Variants in DIAPH2 observed in about 807,000 individuals in gnomAD.
DIAPH2 encodes the protein protein diaphanous homolog 2.
A neutral mutation model predicts 92.7 loss-of-function variants in DIAPH2; 35 were observed. That is an observed-to-expected ratio of 0.38 (90% CI 0.29 to 0.50). DIAPH2 has a LOEUF of 0.50. Ranked by LOEUF, DIAPH2 falls within the 20% of genes least tolerant of loss-of-function variation. The pLI, the probability that DIAPH2 is intolerant of heterozygous loss-of-function variation, is 0.94. For missense variants in DIAPH2, 701 were observed against 819.5 expected, an observed-to-expected ratio of 0.86 and a Z score of 1.77; for synonymous variants, 301 against 280.4, an observed-to-expected ratio of 1.07 and a Z score of -0.73.
At chrX:96,797,501 G>T (rs925738523) in intron 4 of DIAPH2, among the ~76,000 whole-genome samples, 1 of 110,971 alleles carries the variant, frequency 9.0e-6, no homozygotes, top group Non-Finnish European at 1.9e-5. Flanking sequence ...AATAAAAAGA[G>T]GTTTAATTGG....
At chrX:96,858,177 T>A (rs1041556357) in intron 4 of DIAPH2, among the ~76,000 whole-genome samples, 54 of 112,156 alleles carry the variant, frequency 4.8e-4, no homozygotes, top group African/African-American at 1.4e-3. Flanking sequence ...TACACTTTTT[T>A]AATTTTGTAT....
At chrX:97,093,884 G>A (rs772392225) in intron 19 of DIAPH2, among the ~76,000 whole-genome samples, 1 of 111,914 alleles carries the variant, frequency 8.9e-6, no homozygotes, top group East Asian at 2.8e-4. Flanking sequence ...TTTAAAATAG[G>A]AAATGTTTAG....
At position 97,426,150 on chromosome X, in the gene DIAPH2, T is replaced by C. The variant is rs1210444276; in HGVS notation, c.3146-3500T>C. 4.5e-5 allele frequency among the ~76,000 whole-genome samples: 5 copies of C among 111,473 alleles called. No homozygotes were observed. The Admixed American group carries it at 4.8e-4, about 11-fold the overall frequency. On this transcript the variant is annotated intron_variant, in intron 25 of 26. Coordinates refer to ENST00000324765, the MANE Select transcript of DIAPH2 (RefSeq NM_006729.5). Reference sequence around the variant, plus strand: ...TAAACTCCTCTCCTTAATCTCACCCTCCTTCTCTTGCCTGCTAAGTCCTAT... The same window carrying C: ...TAAACTCCTCTCCTTAATCTCACCCCCCTTCTCTTGCCTGCTAAGTCCTAT...
chrX:96,731,294 G>A (rs1266477840), intron 1 of DIAPH2, among the ~76,000 whole-genome samples: 1 of 111,326 alleles, frequency 9.0e-6, no homozygotes, highest in Non-Finnish European at 1.9e-5. Flanking sequence ...GTTGTTTTTT[G>A]TGTCCTATTG....
At chrX:97,455,959 C>T (rs1422821597) in intron 26 of DIAPH2, among the ~76,000 whole-genome samples, 2 of 111,999 alleles carry the variant, frequency 1.8e-5, no homozygotes, top group East Asian at 5.6e-4. Context: ...CCCTCAGTGT[C>T]ACTTCCCGAG....
At chrX:96,865,313 C>T (rs765228184) in intron 4 of DIAPH2, among the ~76,000 whole-genome samples, 14 of 111,535 alleles carry the variant, frequency 1.3e-4, no homozygotes, top group African/African-American at 3.9e-4. Flanking sequence ...CTTAGTGTTC[C>T]GATACTGGAA....
chrX:96,747,858 A>G (rs1298710198), intron 3 of DIAPH2, among the ~76,000 whole-genome samples: 1 of 112,327 alleles, frequency 8.9e-6, no homozygotes, highest in African/African-American at 3.2e-5. Flanking sequence ...TAAAATCTAT[A>G]ATAAGCCATG....
At chrX:97,119,336 T>G (rs1201410642) in intron 21 of DIAPH2, among the ~76,000 whole-genome samples, 2 of 111,404 alleles carry the variant, frequency 1.8e-5, no homozygotes, top group African/African-American at 3.3e-5. Flanking sequence ...TTGTCTCTCT[T>G]CTGGGGTCTA....
intron 13 of DIAPH2, among the ~76,000 whole-genome samples, chrX:96,945,141 T>C (rs1425288694): frequency 4.5e-5 from 5 of 111,050 alleles, no homozygotes; most frequent in Non-Finnish European, 9.5e-5. Context: ...TAGGACAATT[T>C]TGAATCTTGC....
chrX:96,760,858 A>G (rs73250734), intron 4 of DIAPH2, among the ~76,000 whole-genome samples: 6,299 of 111,331 alleles, frequency 0.057, 202 homozygotes, highest in Middle Eastern at 0.16. Flanking sequence ...AAAAGTTTGA[A>G]TAACTCTGTC....
At chrX:97,430,489 A>G (rs906654805) in intron 26 of DIAPH2, among the ~76,000 whole-genome samples, 9 of 112,414 alleles carry the variant, frequency 8.0e-5, no homozygotes, top group African/African-American at 2.9e-4. Flanking sequence ...TGTAGCTCAT[A>G]TCTTTCTTGA....
At chrX:97,450,604 G>A (rs896330776) in intron 26 of DIAPH2, among the ~76,000 whole-genome samples, 7 of 111,040 alleles carry the variant, frequency 6.3e-5, no homozygotes, top group Non-Finnish European at 1.3e-4. Flanking sequence ...TTCTCATCCC[G>A]CAGCCCCCAC....
At position 97,588,482 on chromosome X, in the gene DIAPH2, G is replaced by A. The variant is rs753464406; in HGVS notation, c.3242-10771G>A. ...AGGACAGACTTTTTTTTTTTTTGAA[G>A]TCTCATGTGATTTTTATCATTGAAG... On this transcript the variant is annotated intron_variant, in intron 26 of 26. Coordinates refer to ENST00000324765, the MANE Select transcript of DIAPH2 (RefSeq NM_006729.5). 7.4e-5 allele frequency among the ~76,000 whole-genome samples: 8 copies of A among 108,582 alleles called. No homozygotes were observed. In the East Asian group the frequency reaches 2.3e-3, roughly 31 times the overall value. 94.3% of individuals were successfully genotyped at this position (108,582 alleles called of 115,157 possible).
At chrX:97,257,898 C>T (rs931469084) in intron 23 of DIAPH2, among the ~76,000 whole-genome samples, 2 of 106,716 alleles carry the variant, frequency 1.9e-5, no homozygotes, top group Admixed American at 1.0e-4. Context: ...ATGTATCATT[C>T]TCCCCTAAAC....
chrX:97,413,633 G>T (rs998492505), intron 25 of DIAPH2, among the ~76,000 whole-genome samples: 1 of 111,919 alleles, frequency 8.9e-6, no homozygotes, highest in Non-Finnish European at 1.9e-5. Context: ...CAGATGACAT[G>T]ATTGTATATT....
chrX:96,856,345 T>C (rs2065039328), intron 4 of DIAPH2, among the ~76,000 whole-genome samples: 1 of 110,935 alleles, frequency 9.0e-6, no homozygotes, highest in African/African-American at 3.3e-5. Context: ...AGGTGTTTTA[T>C]TAGCTGCTTC....
chrX:97,054,297 G>C lies in DIAPH2; in HGVS notation c.2051-18644G>C, dbSNP rs147245403. ...ATAGTTCTTTCACTGAATTCAATAA[G>C]CTTTATTTTCATTGTCTACTATGTG... On this transcript the variant is annotated intron_variant, in intron 17 of 26. Coordinates refer to ENST00000324765, the MANE Select transcript of DIAPH2 (RefSeq NM_006729.5). Among the ~76,000 whole-genome samples, 457 of 111,892 alleles carry C rather than the reference G, an allele frequency of 4.1e-3. 4 individuals are homozygous for C. Among genetic ancestry groups the C allele is most frequent in the African/African-American group, 0.014 (431 of 30,863 alleles).
chrX:97,330,658 G>A (rs767107284), intron 23 of DIAPH2, among the ~76,000 whole-genome samples: 24 of 109,349 alleles, frequency 2.2e-4, no homozygotes, highest in Middle Eastern at 9.3e-3. Context: ...GATTACAGGC[G>A]CCCGCCACCA....
intron 19 of DIAPH2, among the ~76,000 whole-genome samples, chrX:97,091,123 C>G (rs773606871): frequency 1.2e-4 from 13 of 111,165 alleles, no homozygotes; most frequent in Non-Finnish European, 2.1e-4. Context: ...TCTCCTATCT[C>G]AGCAACCCCA....
Sources: allele counts gnomAD v4.1 joint callset (sites outside exome capture counted in the v4.1 genomes callset), GRCh38; gene constraint gnomAD v4.1.1; transcripts MANE v1.5; gene names NCBI Gene and HGNC (gene_info 2026-07-23, HGNC 2026-07-21).